Variants in LDLRAD3 observed in about 807,000 individuals in gnomAD.
LDLRAD3 encodes the protein low density lipoprotein receptor class A domain containing 3.
In LDLRAD3, 20 loss-of-function variants were observed where a neutral mutation model predicts 29.4. That is an observed-to-expected ratio of 0.68 (90% CI 0.48 to 0.99). The LOEUF (loss-of-function observed/expected upper bound fraction) is 0.99, where lower values mean the gene tolerates loss of function less well. Among genes scored for constraint, LDLRAD3 ranks in the 50% least tolerant of loss-of-function variants. LDLRAD3 has a pLI of 0.00. For missense variants in LDLRAD3, 420 were observed against 454.3 expected, an observed-to-expected ratio of 0.92 and a Z score of 0.69; for synonymous variants, 157 against 192.7, an observed-to-expected ratio of 0.81 and a Z score of 1.53.
chr11:35,978,337 C>T (rs747528728), intron 1 of LDLRAD3, among the ~76,000 whole-genome samples: 7 of 152,236 alleles, frequency 4.6e-5, no homozygotes, highest in Non-Finnish European at 1.0e-4. Flanking sequence ...GGTGTGCCTG[C>T]CTGCAGTGCT....
intron 4 of LDLRAD3, among the ~76,000 whole-genome samples, chr11:36,166,665 T>C (rs1316815024): frequency 6.6e-6 from 1 of 152,246 alleles, no homozygotes; most frequent in African/African-American, 2.4e-5. Context: ...ATCTGACTTT[T>C]ACAATGTCTA....
chr11:36,085,415 GT>G (rs890434183), intron 3 of LDLRAD3, among the ~76,000 whole-genome samples: 2 of 150,176 alleles, frequency 1.3e-5, no homozygotes, highest in Admixed American at 1.3e-4. Context: ...ATTTCTTTGA[GT>G]TTATCCTGTT....
chr11:36,171,748 G>A (rs1854601114), intron 4 of LDLRAD3, among the ~76,000 whole-genome samples: 1 of 152,140 alleles, frequency 6.6e-6, no homozygotes, highest in African/African-American at 2.4e-5. Context: ...TTTGAAGTTG[G>A]ATAATGTGAT....
chr11:36,129,890 CT>C (rs1375670020), intron 4 of LDLRAD3, among the ~76,000 whole-genome samples: 1 of 152,196 alleles, frequency 6.6e-6, no homozygotes, highest in Non-Finnish European at 1.5e-5. Flanking sequence ...TTTATCACCA[CT>C]GGGTGTACAC....
intron 4 of LDLRAD3, among the ~76,000 whole-genome samples, chr11:36,148,334 G>A (rs1420851773): frequency 6.6e-6 from 1 of 152,142 alleles, no homozygotes; most frequent in African/African-American, 2.4e-5. Flanking sequence ...GAAGCGGGAA[G>A]GAGACATCTG....
At chr11:35,974,014 T>C (rs1190564600) in intron 1 of LDLRAD3, among the ~76,000 whole-genome samples, 1 of 151,918 alleles carries the variant, frequency 6.6e-6, no homozygotes, top group Non-Finnish European at 1.5e-5. Context: ...TAGCCTTTGC[T>C]TTTTTTTCCC....
rs118081878 is a variant in LDLRAD3, at chr11:36,151,228, T to G, written c.454+52767T>G. Among the ~76,000 whole-genome samples the G allele has an allele frequency of 4.6e-5, 7 of 152,308 alleles. No individual in the cohort carries two copies. The East Asian group carries it at 1.4e-3, about 29-fold the overall frequency. Reference sequence around the variant, plus strand: ...GACCTGAATTCTATCCCAGCTCTGATGTACCCACATGGTAACATTAGAGAC... The same window carrying G: ...GACCTGAATTCTATCCCAGCTCTGAGGTACCCACATGGTAACATTAGAGAC... On this transcript the variant is annotated intron_variant, in intron 4 of 5. Transcript: ENST00000315571.
chr11:36,022,457 T>C (rs1370740297), intron 1 of LDLRAD3, among the ~76,000 whole-genome samples: 1 of 152,120 alleles, frequency 6.6e-6, no homozygotes, highest in Non-Finnish European at 1.5e-5. Flanking sequence ...GGTTTTCTTG[T>C]GTGAGTGATA....
chr11:36,063,872 T>C (rs1590235541), intron 2 of LDLRAD3, among the ~76,000 whole-genome samples: 1 of 152,338 alleles, frequency 6.6e-6, no homozygotes, highest in South Asian at 2.1e-4. Context: ...TTCTTCTTTT[T>C]CAATATGGTT....
At chr11:36,077,838 C>G (rs987713909) in intron 2 of LDLRAD3, among the ~76,000 whole-genome samples, 2 of 152,202 alleles carry the variant, frequency 1.3e-5, no homozygotes, top group African/African-American at 4.8e-5. Flanking sequence ...ACATGGTGGG[C>G]AAACAGCATG....
At chr11:36,143,381 G>T (rs1000421116) in intron 4 of LDLRAD3, among the ~76,000 whole-genome samples, 1 of 152,234 alleles carries the variant, frequency 6.6e-6, no homozygotes, top group Non-Finnish European at 1.5e-5. Flanking sequence ...GGCACATCAG[G>T]TGAATGTGGC....
At chr11:36,011,626 A>G (rs2133188387) in intron 1 of LDLRAD3, among the ~76,000 whole-genome samples, 1 of 152,312 alleles carries the variant, frequency 6.6e-6, no homozygotes, top group African/African-American at 2.4e-5. Flanking sequence ...AAGCAATTGT[A>G]ACTTATGTAT....
intron 1 of LDLRAD3, among the ~76,000 whole-genome samples, chr11:35,964,406 C>T (rs767925330): frequency 1.3e-5 from 2 of 152,126 alleles, no homozygotes; most frequent in African/African-American, 4.8e-5. Context: ...GCTTTTCCAG[C>T]CCCACAGTCT....
intron 1 of LDLRAD3, among the ~76,000 whole-genome samples, chr11:35,971,442 T>C (rs947545492): frequency 3.9e-5 from 6 of 152,118 alleles, no homozygotes; most frequent in African/African-American, 1.4e-4. Context: ...GCTGTTAGGA[T>C]AGGCTGTAGC....
In LDLRAD3 at chr11:35,944,671, T is replaced by C. The variant is rs961310527; in HGVS notation, c.46+527T>C. 2.6e-5 allele frequency among the ~76,000 whole-genome samples: 4 copies of C among 152,148 alleles called. No individual in the cohort carries two copies. The highest frequency in any genetic ancestry group is 9.7e-5 in the African/African-American group (4 of 41,450). On this transcript the variant is annotated intron_variant, in intron 1 of 5. Coordinates refer to ENST00000315571, the MANE Select transcript of LDLRAD3 (RefSeq NM_174902.4). This position sits in a 1 kb window ranked among gnomAD's most constrained non-coding sequence, Gnocchi z 4.9. ...TAGCAAAGCTGCTTCCTTTCATTCC[T>C]CTCTGGGACTGTTTGGTTTGGGTAA...
intron 3 of LDLRAD3, among the ~76,000 whole-genome samples, chr11:36,089,463 C>G (rs1459733200): frequency 6.7e-6 from 1 of 150,140 alleles, no homozygotes; most frequent in Non-Finnish European, 1.5e-5. Flanking sequence ...GAGTCTCGCT[C>G]TGTCTCCAGG....
intron 1 of LDLRAD3, among the ~76,000 whole-genome samples, chr11:36,026,530 G>T (rs75265395): frequency 3.3e-5 from 5 of 152,124 alleles, no homozygotes; most frequent in Admixed American, 6.5e-5. Flanking sequence ...CCACATTCCC[G>T]GGAGGTTAGG....
chr11:35,985,205 A>G (rs532247441), intron 1 of LDLRAD3, among the ~76,000 whole-genome samples: 1 of 152,278 alleles, frequency 6.6e-6, no homozygotes, highest in Admixed American at 6.5e-5. Context: ...TGCTGGGATT[A>G]TGGGCATCAG....
At chr11:36,072,649 G>T (rs746378488) in intron 2 of LDLRAD3, among the ~76,000 whole-genome samples, 9 of 152,204 alleles carry the variant, frequency 5.9e-5, no homozygotes, top group Non-Finnish European at 1.0e-4. Context: ...AGAAGAACTG[G>T]ACTATAGACC....
Sources: gnomAD v4.1 joint callset for allele counts (sites outside exome capture counted in the v4.1 genomes callset) on GRCh38, gnomAD v4.1.1 for gene constraint, Gnocchi (gnomAD v3.1) non-coding constraint, MANE v1.5 for transcripts, NCBI Gene and HGNC (gene_info 2026-07-23, HGNC 2026-07-21) for gene names.